ZNF621: variants seen among roughly 807,000 people sequenced by gnomAD.
The protein encoded by ZNF621 is zinc finger protein 621.
A neutral mutation model predicts 12.7 loss-of-function variants in ZNF621; 6 were observed. The observed-to-expected ratio is 0.47, with a 90% CI of 0.26 to 0.93. The LOEUF (loss-of-function observed/expected upper bound fraction) is 0.93, where lower values mean the gene tolerates loss of function less well. Among genes scored for constraint, ZNF621 ranks in the 40% least tolerant of loss-of-function variants. ZNF621 has a pLI of 0.15. For synonymous variants in ZNF621, 156 were observed against 190.3 expected, an observed-to-expected ratio of 0.82 and a Z score of 1.48; for missense variants, 474 against 524.0, an observed-to-expected ratio of 0.90 and a Z score of 0.93.
chr3:40,533,816 G>A lies in ZNF621; in HGVS notation c.*726G>A, dbSNP rs1474688885. 5 of 152,388 alleles carry A rather than the reference G, an allele frequency of 3.3e-5. No individual in the cohort carries two copies. The highest frequency in any genetic ancestry group is 2.4e-5 in the African/African-American group (1 of 41,432). The allele number at this position is 152,388 out of a possible 1,614,324, so 9.4% of individuals were successfully genotyped here. A position where few individuals can be genotyped will look rare whatever the true frequency, so the allele number is the denominator to read the frequency against. On this transcript the variant is annotated 3_prime_UTR_variant, in exon 5 of 5. Coordinates refer to ENST00000339296, the MANE Select transcript of ZNF621 (RefSeq NM_198484.5). ...TGGACTGTAGAGATTAATGGAGATTGTTTAGTGGGCCCATGGCTAGGTGGG... is the reference window on the plus strand; with the variant it reads ...TGGACTGTAGAGATTAATGGAGATTATTTAGTGGGCCCATGGCTAGGTGGG...
In ZNF621 at chr3:40,532,796, T is replaced by C. The variant is rs1316783304; in HGVS notation, c.1026T>C (p.Pro342=). The part of the protein sequence containing the change: ...GSFVQHQKLH[P]VEKKPVKVLG... Reference sequence around the variant, plus strand: ...TTGTTCAGCATCAGAAATTGCACCCTGTGGAGAAGAAGCCAGTCAAGGTCC... The same window carrying C: ...TTGTTCAGCATCAGAAATTGCACCCCGTGGAGAAGAAGCCAGTCAAGGTCC... Residue 342 remains proline (P), a synonymous_variant, in exon 5 of 5, where the codon CCT becomes CCC. Coordinates refer to ENST00000339296, the MANE Select transcript of ZNF621 (RefSeq NM_198484.5). 1 of 1,614,224 alleles carries C rather than the reference T, an allele frequency of 6.2e-7. No homozygotes were observed. The highest frequency in any genetic ancestry group is 8.5e-7 in the Non-Finnish European group (1 of 1,180,042).
chr3:40,526,898 C>T (rs13321895), intron 2 of ZNF621, among the ~76,000 whole-genome samples: 7,318 of 152,240 alleles, frequency 0.048, 323 homozygotes, highest in South Asian at 0.14. Flanking sequence ...CTTTGTTGTC[C>T]AGGCTTGAGT....
At chr3:40,525,454 C>T in intron 1 of ZNF621, 180 bp downstream of exon 1, 1 of 332,054 alleles carries the variant, frequency 3.0e-6, no homozygotes, top group South Asian at 4.6e-5. Flanking sequence ...TCCACGTCAT[C>T]GTCCCTGTAA....
At position 40,538,142 on chromosome 3, in the gene ZNF621, T is replaced by TGGATG. The variant is rs893678574; in HGVS notation, c.*5053_*5057dup. On this transcript the variant is annotated 3_prime_UTR_variant, in exon 5 of 5. Coordinates refer to ENST00000339296, the MANE Select transcript of ZNF621 (RefSeq NM_198484.5). Reference sequence around the variant, plus strand: ...GCTCTAGAAATGGAAGATCAAAGCCTGGATGACAGCACATCTGTTTACAGC... The same window carrying TGGATG: ...GCTCTAGAAATGGAAGATCAAAGCCTGGATGGGATGACAGCACATCTGTTTACAGC... The TGGATG allele has an allele frequency of 1.4e-4, 37 of 255,776 alleles. No individual in the cohort carries two copies. Among genetic ancestry groups the TGGATG allele is most frequent in the Admixed American group, 7.4e-4 (14 of 18,900 alleles). The allele number at this position is 255,776 out of a possible 1,614,324, so 15.8% of individuals were successfully genotyped here. A position where few individuals can be genotyped will look rare whatever the true frequency, so the allele number is the denominator to read the frequency against.
Position 40,532,217 on chromosome 3 carries a change from G to A in ZNF621, c.447G>A (p.Lys149=), listed in dbSNP as rs759075495. The part of the protein sequence containing the change: ...NPNLILRGGM[K]FYECKECGKI... ...ATCTGATACTTCGAGGTGGAATGAA[G>A]TTCTATGAATGTAAAGAATGTGGGA... Residue 149 remains lysine, a synonymous_variant, in exon 5 of 5, where the codon AAG becomes AAA. Transcript: ENST00000339296. 3.1e-6 allele frequency: 5 copies of A among 1,614,074 alleles called. No homozygotes were observed. The highest frequency in any genetic ancestry group is 4.2e-6 in the Non-Finnish European group (5 of 1,180,052).
At chr3:40,530,450 C>A in intron 4 of ZNF621, 134 bp downstream of exon 4, 1 of 694,100 alleles carries the variant, frequency 1.4e-6, no homozygotes, top group Non-Finnish European at 2.4e-6. Flanking sequence ...TCTCTGACCT[C>A]ACACTGAGTT....
chr3:40,529,495 A>C (rs773328179), intron 3 of ZNF621, 50 bp downstream of exon 3: 18 of 1,608,170 alleles, frequency 1.1e-5, no homozygotes, highest in Middle Eastern at 3.3e-4. Context: ...TCTTCCTCAG[A>C]TGTTTTGGGG....
upstream of ZNF621, among the ~76,000 whole-genome samples, chr3:40,523,334 T>A (rs1698498648): frequency 6.6e-6 from 1 of 152,160 alleles, no homozygotes; most frequent in South Asian, 2.1e-4. Flanking sequence ...TAAAGCAATA[T>A]ATCTAGATAT....
intron 4 of ZNF621, among the ~76,000 whole-genome samples, chr3:40,531,581 A>C (rs1230811915): frequency 6.6e-6 from 1 of 151,868 alleles, no homozygotes; most frequent in Non-Finnish European, 1.5e-5. Context: ...CTATTTTTTT[A>C]AGACAGGGTC....
rs752166883 is a variant in ZNF621 at position 40,532,643 on chromosome 3, T to C, written c.873T>C (p.Tyr291=). Residue 291 remains tyrosine (Y), a synonymous_variant, in exon 5 of 5, where the codon TAT becomes TAC. Transcript: ENST00000339296. ...GAATTCATACTGGGGAGAAACCTTA[T>C]CAATGTAAGGAGTGTGGCAAAGCCT... ...HQRIHTGEKP[Y]QCKECGKAFT... The C allele has an allele frequency of 1.2e-6, 2 of 1,614,160 alleles. No homozygotes were observed. Among genetic ancestry groups the C allele is most frequent in the East Asian group, 2.2e-5 (1 of 44,890 alleles).
chr3:40,527,909 A>T (rs1380689048), intron 2 of ZNF621, among the ~76,000 whole-genome samples: 1 of 152,212 alleles, frequency 6.6e-6, no homozygotes, highest in African/African-American at 2.4e-5. Context: ...AAGAGTTCCC[A>T]TTTATCTCCT....
Position 40,532,809 on chromosome 3 carries a change from C to A in ZNF621, c.1039C>A (p.Pro347Thr). 1 of 1,614,184 alleles carries A rather than the reference C, an allele frequency of 6.2e-7. No homozygotes were observed. Among genetic ancestry groups the A allele is most frequent in the South Asian group, 1.1e-5 (1 of 91,082 alleles). Residue 347 changes from proline (P) to threonine (T), a missense_variant, in exon 5 of 5, where the codon CCA (proline) becomes ACA (threonine). Coordinates refer to ENST00000339296, the MANE Select transcript of ZNF621 (RefSeq NM_198484.5). Reference sequence around the variant, plus strand: ...GAAATTGCACCCTGTGGAGAAGAAGCCAGTCAAGGTCCTTGGGCCATCCCT... The same window carrying A: ...GAAATTGCACCCTGTGGAGAAGAAGACAGTCAAGGTCCTTGGGCCATCCCT... Reference protein sequence around the residue: ...HQKLHPVEKKPVKVLGPSLVS... With the variant: ...HQKLHPVEKKTVKVLGPSLVS...
At chr3:40,531,455 T>C (rs763561376) in intron 4 of ZNF621, among the ~76,000 whole-genome samples, 5 of 152,194 alleles carry the variant, frequency 3.3e-5, no homozygotes, top group Non-Finnish European at 7.4e-5. Context: ...ATTCTCCTTC[T>C]TCCCATCACC....
chr3:40,525,896 G>T lies in ZNF621; in HGVS notation c.24+32G>T, dbSNP rs1698570562. ...TGAGCTTCTTTCAGTTTTTTTGTTT[G>T]TTTGTTTATGTTTTTTTACTCACAT... On this transcript the variant is annotated intron_variant, in intron 2 of 4. Coordinates refer to ENST00000339296, the MANE Select transcript of ZNF621 (RefSeq NM_198484.5). 4 of 1,610,382 alleles carry T rather than the reference G, an allele frequency of 2.5e-6. No individual in the cohort carries two copies. The South Asian group carries it at 4.4e-5, about 18-fold the overall frequency.
chr3:40,532,949 T>C lies in ZNF621; in HGVS notation c.1179T>C (p.Pro393=), dbSNP rs1331217227. The change falls in exon 5 of 5, where the codon CCT becomes CCC. Residue 393 remains proline, a synonymous_variant. Coordinates refer to ENST00000339296, the MANE Select transcript of ZNF621 (RefSeq NM_198484.5). The part of the protein sequence containing the change: ...SLTFPHAVLI[P]TSGNFFMLLP... The stretch of plus-strand genomic sequence containing the variant: ...CCTTTCCACATGCTGTGCTCATTCC[T>C]ACCTCTGGGAATTTTTTCATGCTGC... 2.6e-6 allele frequency: 4 copies of C among 1,555,256 alleles called. No homozygotes were observed. The highest frequency in any genetic ancestry group is 2.4e-5 in the East Asian group (1 of 41,084).
intron 3 of ZNF621, chr3:40,529,650 T>C (rs1166818603): frequency 7.5e-7 from 1 of 1,338,122 alleles, no homozygotes; most frequent in Non-Finnish European, 9.9e-7. Flanking sequence ...TGAGACAGAG[T>C]CTCGCTCTGT....
At chr3:40,531,519 T>G (rs1575307858) in intron 4 of ZNF621, among the ~76,000 whole-genome samples, 1 of 152,184 alleles carries the variant, frequency 6.6e-6, no homozygotes, top group East Asian at 1.9e-4. Context: ...CTGGCTATCT[T>G]TCCTGTTCCA....
At position 40,532,513 on chromosome 3, in the gene ZNF621, C is replaced by T. The variant is rs764161415; in HGVS notation, c.743C>T (p.Ala248Val). 1.4e-5 allele frequency: 23 copies of T among 1,613,932 alleles called. No homozygotes were observed. The highest frequency in any genetic ancestry group is 3.3e-4 in the Middle Eastern group (2 of 6,084). The change falls in exon 5 of 5, where the codon GCG becomes GTG. Residue 248 changes from alanine (A) to valine (V), a missense_variant. By Grantham distance (64) the Ala-to-Val change is moderately conservative (BLOSUM62 0). Coordinates refer to ENST00000339296, the MANE Select transcript of ZNF621 (RefSeq NM_198484.5). The stretch of plus-strand genomic sequence containing the variant: ...TGTGGAAAGGCTTTCCGTAGGAGTG[C>T]GGCATACCTGCAGCATCAGAGATTA... Reference protein sequence around the residue: ...KECGKAFRRSAAYLQHQRLHT... With the variant: ...KECGKAFRRSVAYLQHQRLHT...
intron 3 of ZNF621, 95 bp from the exon 4 acceptor site, chr3:40,530,114 C>A: frequency 2.0e-6 from 2 of 996,266 alleles, no homozygotes; most frequent in Admixed American, 2.2e-5. Context: ...TTCAATTTCT[C>A]TCCCAAGTAG....
Sources: allele counts gnomAD v4.1 joint callset (sites outside exome capture counted in the v4.1 genomes callset), GRCh38; gene constraint gnomAD v4.1.1; transcripts MANE v1.5; gene names NCBI Gene and HGNC (gene_info 2026-07-23, HGNC 2026-07-21).